CACNA2D2: variants seen among roughly 807,000 people sequenced by gnomAD.
CACNA2D2 encodes the protein calcium voltage-gated channel auxiliary subunit alpha2delta 2.
Under a neutral mutation model 166.4 loss-of-function variants are expected in CACNA2D2, and 48 were observed. The observed-to-expected ratio is 0.29, with a 90% CI of 0.23 to 0.37. CACNA2D2 has a LOEUF of 0.37. Ranked by LOEUF, CACNA2D2 falls within the 10% of genes least tolerant of loss-of-function variation. The probability of loss-of-function intolerance (pLI) is 1.00; values close to 1 mark genes in which losing one functional copy is unlikely to be tolerated. For synonymous variants in CACNA2D2, 561 were observed against 573.7 expected, an observed-to-expected ratio of 0.98 and a Z score of 0.32; for missense variants, 1,122 against 1,433.0, an observed-to-expected ratio of 0.78 and a Z score of 3.50.
In CACNA2D2 at chr3:50,365,046, G is replaced by C. The variant is rs1200622270; in HGVS notation, c.3208+29C>G. On this transcript the variant is annotated intron_variant, in intron 36 of 37. Transcript: ENST00000424201. The surrounding 1 kb of genome is among the most constrained non-coding windows in gnomAD (Gnocchi z 4.5). ...GGGGCGCGCGGGGCAGAGGGGGAGC[G>C]GGCGGCGGGGAGGGCGGGGGCAGGA... 1 of 1,599,870 alleles carries C rather than the reference G, an allele frequency of 6.3e-7. No homozygotes were observed. Among genetic ancestry groups the C allele is most frequent in the Non-Finnish European group, 8.5e-7 (1 of 1,173,310 alleles).
chr3:50,451,936 G>A (rs1045236077), intron 2 of CACNA2D2, among the ~76,000 whole-genome samples: 1 of 152,206 alleles, frequency 6.6e-6, no homozygotes, highest in Non-Finnish European at 1.5e-5. Context: ...GCTGGCAAGA[G>A]GCATAACCAG....
At chr3:50,471,014 G>A (rs1200073881) in intron 2 of CACNA2D2, among the ~76,000 whole-genome samples, 1 of 152,110 alleles carries the variant, frequency 6.6e-6, no homozygotes, top group Non-Finnish European at 1.5e-5. Context: ...TTTTAGGGAG[G>A]CAAGCGACAG....
At chr3:50,387,851 T>C (rs1027203694) in intron 4 of CACNA2D2, among the ~76,000 whole-genome samples, 4 of 152,170 alleles carry the variant, frequency 2.6e-5, no homozygotes, top group Non-Finnish European at 4.4e-5. Context: ...CGACTGAGAA[T>C]TCCCTGGGCC....
chr3:50,414,060 C>T (rs1336721194), intron 3 of CACNA2D2, among the ~76,000 whole-genome samples: 1 of 152,110 alleles, frequency 6.6e-6, no homozygotes, highest in African/African-American at 2.4e-5. Flanking sequence ...CCAAAGCCTC[C>T]TTTACCTTGC....
In CACNA2D2 at chr3:50,376,233, GGGTTCCCTGGGCTCC is replaced by G. The variant is rs1704983125; in HGVS notation, c.1627-60_1627-46del. 1 of 1,592,244 alleles carries G rather than the reference GGGTTCCCTGGGCTCC, an allele frequency of 6.3e-7. No homozygotes were observed. The highest frequency in any genetic ancestry group is 1.3e-5 in the African/African-American group (1 of 74,468). The stretch of plus-strand genomic sequence containing the variant: ...GCTCAGGGTCTGGAGGGATGGGCTG[GGGTTCCCTGGGCTCC>G]GGAGTTCTTCCCTATTTGGCCTCCC... On this transcript the variant is annotated intron_variant, in intron 17 of 37. Coordinates refer to ENST00000424201, the MANE Select transcript of CACNA2D2 (RefSeq NM_006030.4). The surrounding 1 kb of genome is among the most constrained non-coding windows in gnomAD (Gnocchi z 4.3).
intron 1 of CACNA2D2, among the ~76,000 whole-genome samples, chr3:50,480,213 T>C (rs975840435): frequency 6.6e-6 from 1 of 152,198 alleles, no homozygotes; most frequent in Non-Finnish European, 1.5e-5. Context: ...TTCCAGGACA[T>C]TGTAGCCTTT....
intron 2 of CACNA2D2, among the ~76,000 whole-genome samples, chr3:50,436,119 T>C (rs538225676): frequency 1.9e-4 from 29 of 152,276 alleles, no homozygotes; most frequent in East Asian, 1.9e-4. Flanking sequence ...GGCCAGGCGA[T>C]TGAGTGGCAA....
chr3:50,487,936 G>A (rs978037232), intron 1 of CACNA2D2, among the ~76,000 whole-genome samples: 2 of 152,168 alleles, frequency 1.3e-5, no homozygotes, highest in African/African-American at 4.8e-5. Flanking sequence ...GGCAGATGCA[G>A]GCCTGTCCTT....
rs145108921 is a variant in CACNA2D2 at position 50,381,244 on chromosome 3, C to T, written c.653-118G>A. The T allele has an allele frequency of 7.8e-5, 93 of 1,189,552 alleles. No individual in the cohort carries two copies. In the Admixed American group the frequency reaches 1.8e-3, roughly 23 times the overall value. 73.7% of individuals were successfully genotyped at this position (1,189,552 alleles called of 1,614,324 possible). A position where few individuals can be genotyped will look rare whatever the true frequency, so the allele number is the denominator to read the frequency against. On this transcript the variant is annotated intron_variant, in intron 6 of 37. Coordinates refer to ENST00000424201, the MANE Select transcript of CACNA2D2 (RefSeq NM_006030.4). The stretch of plus-strand genomic sequence containing the variant: ...AATCCCCCAACTGTTCTCGGCCTAT[C>T]CAGGCCCTCCCTATTTCCTAGGGCC...
chr3:50,493,798 C>CA (rs1180584098), intron 1 of CACNA2D2, among the ~76,000 whole-genome samples: 1 of 152,198 alleles, frequency 6.6e-6, no homozygotes, highest in East Asian at 1.9e-4. Context: ...GAGGGACTCA[C>CA]AAAGGGCAGG....
chr3:50,489,862 T>C (rs896859301), intron 1 of CACNA2D2, among the ~76,000 whole-genome samples: 2 of 152,124 alleles, frequency 1.3e-5, no homozygotes, highest in Admixed American at 6.5e-5. Flanking sequence ...GGATGCTGCT[T>C]GGAGCACCAA....
chr3:50,377,983 C>A, intron 15 of CACNA2D2, 25 bp downstream of exon 15: 1 of 1,605,622 alleles, frequency 6.2e-7, no homozygotes, highest in Non-Finnish European at 8.5e-7. Context: ...GCCAGCCCCA[C>A]CCCTTCCTTG....
chr3:50,482,167 C>G (rs1698080973), intron 1 of CACNA2D2, among the ~76,000 whole-genome samples: 1 of 152,186 alleles, frequency 6.6e-6, no homozygotes, highest in Non-Finnish European at 1.5e-5. Flanking sequence ...GTGCTTCCCC[C>G]AGCAGTCACT....
intron 5 of CACNA2D2, among the ~76,000 whole-genome samples, chr3:50,386,598 C>T (rs780177935): frequency 1.3e-5 from 2 of 152,334 alleles, no homozygotes; most frequent in East Asian, 1.9e-4. Flanking sequence ...TGCCCTCCTG[C>T]GGCTCTCCCA....
intron 2 of CACNA2D2, among the ~76,000 whole-genome samples, chr3:50,467,417 C>G (rs1356195155): frequency 1.3e-5 from 2 of 152,216 alleles, no homozygotes; most frequent in African/African-American, 4.8e-5. Flanking sequence ...TCGAATGGGA[C>G]AGAGTCAGAG....
At chr3:50,453,171 C>A (rs1487860442) in intron 2 of CACNA2D2, among the ~76,000 whole-genome samples, 1 of 152,202 alleles carries the variant, frequency 6.6e-6, no homozygotes, top group Non-Finnish European at 1.5e-5. Context: ...GTCGTTCCCA[C>A]TACTTGGCCT....
intron 3 of CACNA2D2, among the ~76,000 whole-genome samples, chr3:50,420,263 T>A (rs980796610): frequency 6.6e-6 from 1 of 152,210 alleles, no homozygotes; most frequent in East Asian, 1.9e-4. Flanking sequence ...GAAGGCTCCA[T>A]GCATGGTCCT....
intron 3 of CACNA2D2, among the ~76,000 whole-genome samples, chr3:50,410,490 G>A (rs988719379): frequency 6.6e-6 from 1 of 151,824 alleles, no homozygotes; most frequent in East Asian, 1.9e-4. Context: ...TGGGGGGGGG[G>A]GTGTTGTCTT....
chr3:50,452,451 A>G (rs1709145930), intron 2 of CACNA2D2, among the ~76,000 whole-genome samples: 1 of 152,228 alleles, frequency 6.6e-6, no homozygotes, highest in Non-Finnish European at 1.5e-5. Context: ...GAACCTCTCC[A>G]TGGAGGCAGG....
Sources: gnomAD v4.1 joint callset for allele counts (sites outside exome capture counted in the v4.1 genomes callset) on GRCh38, gnomAD v4.1.1 for gene constraint, Gnocchi (gnomAD v3.1) non-coding constraint, MANE v1.5 for transcripts, NCBI Gene and HGNC (gene_info 2026-07-23, HGNC 2026-07-21) for gene names.